NUDT1: variants seen among roughly 807,000 people sequenced by gnomAD.
NUDT1 encodes nudix hydrolase 1.
A neutral mutation model predicts 11.3 loss-of-function variants in NUDT1; 16 were observed. The ratio of observed to expected loss-of-function variants is 1.41; its 90% CI spans 0.96 to 2.15. The LOEUF is 2.15. Ranked by LOEUF, NUDT1 falls within the 30% of genes most tolerant of loss-of-function variation. The probability of loss-of-function intolerance (pLI) is 0.00; values close to 1 mark genes in which losing one functional copy is unlikely to be tolerated. For synonymous variants in NUDT1, 101 were observed against 84.4 expected (o/e 1.20, Z -1.08); for missense variants, 234 against 208.4 (o/e 1.12, Z -0.76).
chr7:2,247,519 C>T (rs1562408479), intron 2 of NUDT1, among the ~76,000 whole-genome samples: 2 of 152,226 alleles, frequency 1.3e-5, no homozygotes, highest in Admixed American at 1.3e-4. Flanking sequence ...AGGCCGGGGA[C>T]ACAGGAGCAG....
chr7:2,242,293 G>T, intron 1 of NUDT1, 37 bp downstream of exon 1: 1 of 980,546 alleles, frequency 1.0e-6, no homozygotes, highest in African/African-American at 1.7e-5. Context: ...AGGAGTCGTG[G>T]TGACCAGGGA....
rs867549316 is a variant in NUDT1 at position 2,242,231 on chromosome 7, C to T, written c.-38C>T. 4.7e-6 allele frequency: 7 copies of T among 1,500,850 alleles called. No individual in the cohort carries two copies. The highest frequency in any genetic ancestry group is 1.9e-4 in the Middle Eastern group (1 of 5,294). 93.0% of individuals were successfully genotyped at this position (1,500,850 alleles called of 1,614,324 possible). A position where few individuals can be genotyped will look rare whatever the true frequency, so the allele number is the denominator to read the frequency against. On this transcript the variant is annotated 5_prime_UTR_variant, in exon 1 of 4. Transcript: ENST00000356714. Reference sequence around the variant, plus strand: ...GCCTGGCCTCACTTCCGGTCAGAGGCCACGCCCCCGGAAGCGGCGGTGCAG... The same window carrying T: ...GCCTGGCCTCACTTCCGGTCAGAGGTCACGCCCCCGGAAGCGGCGGTGCAG...
chr7:2,250,771 T>C (rs552113344), intron 3 of NUDT1, 58 bp from the exon 4 acceptor site: 3 of 1,610,390 alleles, frequency 1.9e-6, no homozygotes, highest in South Asian at 2.2e-5. Context: ...AAAAACATGT[T>C]TTTTAAGCAT....
At chr7:2,248,851 C>T (rs1794869908) in intron 2 of NUDT1, among the ~76,000 whole-genome samples, 1 of 152,152 alleles carries the variant, frequency 6.6e-6, no homozygotes, top group Non-Finnish European at 1.5e-5. Flanking sequence ...CCACCCTGCA[C>T]CCAACCTGTT....
intron 3 of NUDT1, 101 bp downstream of exon 3, chr7:2,250,103 C>T (rs892086804): frequency 2.9e-5 from 43 of 1,490,292 alleles, no homozygotes; most frequent in South Asian, 2.4e-4. Context: ...TGCCAGGGAC[C>T]GGGCAGCCTG....
At chr7:2,243,552 C>T (rs991534163) in intron 1 of NUDT1, among the ~76,000 whole-genome samples, 1 of 151,990 alleles carries the variant, frequency 6.6e-6, no homozygotes, top group African/African-American at 2.4e-5. Flanking sequence ...GTGGGTGGAT[C>T]GCTTGAGCTC....
At chr7:2,243,387 C>T (rs1202156996) in intron 1 of NUDT1, among the ~76,000 whole-genome samples, 2 of 152,214 alleles carry the variant, frequency 1.3e-5, no homozygotes, top group Non-Finnish European at 2.9e-5. Context: ...TGCCCCCTTC[C>T]TTATCATCTG....
rs1794922177 is a variant in NUDT1, at chr7:2,250,009, C to T, written c.298+7C>T. The T allele has an allele frequency of 1.2e-6, 2 of 1,613,770 alleles. No individual in the cohort carries two copies. The highest frequency in any genetic ancestry group is 1.7e-5 in the Admixed American group (1 of 60,024). On this transcript the variant is annotated splice_region_variant and intron_variant, in intron 3 of 3. Transcript: ENST00000356714. ...ACCCCCGTGGAGAGCGACGGTGAGTCTCACAGGGCCTGCTCCCCCTCCCCA... is the reference window on the plus strand; with the variant it reads ...ACCCCCGTGGAGAGCGACGGTGAGTTTCACAGGGCCTGCTCCCCCTCCCCA...
intron 1 of NUDT1, 99 bp from the exon 2 acceptor site, chr7:2,244,464 C>CCCCCAG: frequency 3.1e-6 from 3 of 970,666 alleles, no homozygotes; most frequent in East Asian, 3.0e-5. Context: ...CCCCCCGCCC[C>CCCCCAG]CCACTGCCTC....
intron 2 of NUDT1, among the ~76,000 whole-genome samples, chr7:2,248,494 ACTC>A (rs1467547962): frequency 2.1e-5 from 3 of 143,572 alleles, no homozygotes; most frequent in Non-Finnish European, 4.5e-5. Context: ...AATGTCATGC[ACTC>A]CTCCTTTCTT....
intron 3 of NUDT1, among the ~76,000 whole-genome samples, chr7:2,250,204 G>A (rs1318973261): frequency 3.3e-5 from 5 of 152,322 alleles, no homozygotes; most frequent in East Asian, 3.9e-4. Context: ...CCTGCTCTGC[G>A]CCCACCCTAA....
In NUDT1 at chr7:2,249,993, G is replaced by A. The variant is rs1486743514; in HGVS notation, c.289G>A (p.Glu97Lys). 3 of 1,613,714 alleles carry A rather than the reference G, an allele frequency of 1.9e-6. No individual in the cohort carries two copies. The highest frequency in any genetic ancestry group is 2.5e-6 in the Non-Finnish European group (3 of 1,179,954). The change falls in exon 3 of 4, where the codon GAG (glutamate) becomes AAG (lysine). Residue 97 changes from glutamate to lysine, a missense_variant. Glu to Lys is a moderately conservative substitution (Grantham distance 56). Transcript: ENST00000356714. ...CTDSIQGTPV[E>K]SDEMRPCWFQ... ...AGACAGCATCCAGGGGACCCCCGTG[G>A]AGAGCGACGGTGAGTCTCACAGGGC...
chr7:2,249,695 C>T (rs753503794), intron 2 of NUDT1, 162 bp from the exon 3 acceptor site: 10 of 808,378 alleles, frequency 1.2e-5, no homozygotes, highest in South Asian at 3.2e-5. Context: ...TCAGCCAGGT[C>T]GGGACCAGAT....
At chr7:2,249,797 T>C in intron 2 of NUDT1, 60 bp from the exon 3 acceptor site, 1 of 1,600,122 alleles carries the variant, frequency 6.2e-7, no homozygotes, top group South Asian at 1.1e-5. Flanking sequence ...CTCCCTGCCA[T>C]CGTGTGGGCA....
rs1042577663 is a variant in NUDT1 at position 2,250,971 on chromosome 7, C to CTACA, written c.442_445dup (p.Thr149IlefsTer36). 2.5e-6 allele frequency: 4 copies of CTACA among 1,613,892 alleles called. No homozygotes were observed. Among genetic ancestry groups the CTACA allele is most frequent in the Non-Finnish European group, 3.4e-6 (4 of 1,179,972 alleles). On this transcript the variant is annotated frameshift_variant, in exon 4 of 4. Transcript: ENST00000356714. LOFTEE classifies it high-confidence loss of function. Reference sequence around the variant, plus strand: ...TCCAGGGTCAGGACACCATCCTGGACTACACACTCCGCGAGGTGGACACGG... The same window carrying CTACA: ...TCCAGGGTCAGGACACCATCCTGGACTACATACACACTCCGCGAGGTGGACACGG...
intron 2 of NUDT1, 106 bp downstream of exon 2, chr7:2,244,832 G>A: frequency 1.5e-6 from 2 of 1,374,380 alleles, no homozygotes; most frequent in Non-Finnish European, 9.9e-7. Context: ...AAGTGACCTG[G>A]AGCAGGGGGT....
At chr7:2,245,573 C>T (rs907832086) in intron 2 of NUDT1, among the ~76,000 whole-genome samples, 2 of 152,050 alleles carry the variant, frequency 1.3e-5, no homozygotes, top group African/African-American at 2.4e-5. Context: ...TCTACTTTTC[C>T]GATTCATTTC....
At position 2,250,966 on chromosome 7, in the gene NUDT1, C is replaced by G; in HGVS notation, c.436C>G (p.Leu146Val). Residue 146 changes from leucine to valine, a missense_variant, in exon 4 of 4, where the codon CTG (leucine) becomes GTG (valine). By Grantham distance (32) the Leu-to-Val change is conservative (BLOSUM62 1). Coordinates refer to ENST00000356714, the MANE Select transcript of NUDT1 (RefSeq NM_002452.4). ...YFKFQGQDTI[L>V]DYTLREVDTV is the part of the protein sequence containing the mutation. ...CAAGTTCCAGGGTCAGGACACCATCCTGGACTACACACTCCGCGAGGTGGA... is the reference window on the plus strand; with the variant it reads ...CAAGTTCCAGGGTCAGGACACCATCGTGGACTACACACTCCGCGAGGTGGA... 1 of 1,613,974 alleles carries G rather than the reference C, an allele frequency of 6.2e-7. No homozygotes were observed. Among genetic ancestry groups the G allele is most frequent in the Non-Finnish European group, 8.5e-7 (1 of 1,179,956 alleles).
intron 2 of NUDT1, among the ~76,000 whole-genome samples, chr7:2,246,937 G>A (rs1222560110): frequency 6.6e-6 from 1 of 152,090 alleles, no homozygotes; most frequent in Non-Finnish European, 1.5e-5. Flanking sequence ...CTTAAAGAAA[G>A]AAAGAAAAAA....
Sources: gnomAD v4.1 joint callset for allele counts (sites outside exome capture counted in the v4.1 genomes callset) on GRCh38, gnomAD v4.1.1 for gene constraint, MANE v1.5 for transcripts, NCBI Gene and HGNC (gene_info 2026-07-23, HGNC 2026-07-21) for gene names.